Variants in PTPRD observed in about 807,000 individuals in gnomAD.
PTPRD encodes the protein protein tyrosine phosphatase receptor type D.
A neutral mutation model predicts 214.5 loss-of-function variants in PTPRD; 34 were observed. That is an observed-to-expected ratio of 0.16 (90% CI 0.12 to 0.21). PTPRD has a LOEUF of 0.21. Ranked by LOEUF, PTPRD falls within the 10% of genes least tolerant of loss-of-function variation. PTPRD has a pLI of 1.00. For missense variants in PTPRD, 2,545 were observed against 2,398.7 expected (o/e 1.06, Z -1.27); for synonymous variants, 1,128 against 845.7 (o/e 1.33, Z -5.79).
At chr9:10,576,350 C>T in intron 2 of PTPRD, among the ~76,000 whole-genome samples, 1 of 152,184 alleles carries the variant, frequency 6.6e-6, no homozygotes, top group East Asian at 1.9e-4. Context: ...TTTTTAATGG[C>T]TGATTGTTTA....
At chr9:8,966,066 A>G (rs1897681) in intron 11 of PTPRD, among the ~76,000 whole-genome samples, 27,716 of 152,018 alleles carry the variant, frequency 0.18, 2,814 homozygotes, top group African/African-American at 0.25. Flanking sequence ...ATACCTAGGG[A>G]TACATATAAC....
intron 2 of PTPRD, among the ~76,000 whole-genome samples, chr9:10,537,504 T>C (rs1246226794): frequency 6.6e-6 from 1 of 152,138 alleles, no homozygotes; most frequent in South Asian, 2.1e-4. Context: ...AACTAAAAAT[T>C]GTCAAAATTG....
intron 3 of PTPRD, among the ~76,000 whole-genome samples, chr9:10,127,009 C>G (rs10958898): frequency 0.17 from 25,017 of 147,338 alleles, 2,456 homozygotes; most frequent in South Asian, 0.27. Context: ...TTCTGGGTAA[C>G]AGGATATTCA....
chr9:9,270,934 G>T (rs1303349869), intron 9 of PTPRD, among the ~76,000 whole-genome samples: 1 of 151,288 alleles, frequency 6.6e-6, no homozygotes, highest in Non-Finnish European at 1.5e-5. Context: ...ATTGCCTGGA[G>T]TACTTGCATA....
intron 5 of PTPRD, among the ~76,000 whole-genome samples, chr9:9,856,469 G>A (rs920600202): frequency 6.6e-6 from 1 of 152,198 alleles, no homozygotes; most frequent in Admixed American, 6.5e-5. Context: ...AAAAAGAAAT[G>A]CATCCAGTGT....
chr9:9,648,562 C>G (rs941342414), intron 7 of PTPRD, among the ~76,000 whole-genome samples: 3 of 152,156 alleles, frequency 2.0e-5, no homozygotes, highest in Non-Finnish European at 4.4e-5. Flanking sequence ...TTGATGATCA[C>G]TACAGACAAA....
chr9:8,642,966 G>C (rs1429018511), intron 12 of PTPRD, among the ~76,000 whole-genome samples: 3 of 152,030 alleles, frequency 2.0e-5, no homozygotes, highest in Non-Finnish European at 4.4e-5. Context: ...ATACCACCTG[G>C]GGTAGCTTCC....
chr9:9,438,949 C>G lies in PTPRD; in HGVS notation c.-236-41467G>C, dbSNP rs1206710742. On this transcript the variant is annotated intron_variant, in intron 8 of 45. Coordinates refer to ENST00000381196, the MANE Select transcript of PTPRD (RefSeq NM_002839.4). ...CATTTAAATTCAACTTTATCATTAT[C>G]AGTCTGTGGTGTTAATATGGAACTA... Among the ~76,000 whole-genome samples the G allele has an allele frequency of 2.0e-5, 3 of 152,072 alleles. 1 individual carries two copies. Among genetic ancestry groups the G allele is most frequent in the African/African-American group, 7.2e-5 (3 of 41,402 alleles).
chr9:8,320,743 AGTTTCTCTCT>A (rs1563881613), intron 44 of PTPRD, among the ~76,000 whole-genome samples: 1 of 152,104 alleles, frequency 6.6e-6, no homozygotes, highest in Non-Finnish European at 1.5e-5. Flanking sequence ...AAAGGTTTTG[AGTTTCTCTCT>A]GTTGTCTTCA....
At chr9:10,601,486 T>G (rs2133369896) in intron 2 of PTPRD, among the ~76,000 whole-genome samples, 1 of 151,900 alleles carries the variant, frequency 6.6e-6, no homozygotes, top group South Asian at 2.1e-4. Flanking sequence ...TTACTACATC[T>G]GTTTGTCTGT....
At chr9:9,673,996 A>G (rs2096881410) in intron 7 of PTPRD, among the ~76,000 whole-genome samples, 1 of 151,854 alleles carries the variant, frequency 6.6e-6, no homozygotes, top group Admixed American at 6.6e-5. Flanking sequence ...AACAGTGGGA[A>G]AGTTTAGTCT....
In PTPRD at chr9:10,182,259, C is replaced by CAAAAAAAAAAAAAAAAAAAA. The variant is rs3075574; in HGVS notation, c.-544-148489_-544-148470dup. Among the ~76,000 whole-genome samples, 199 of 54,428 alleles carry CAAAAAAAAAAAAAAAAAAAA rather than the reference C, an allele frequency of 3.7e-3. 8 individuals carry two copies. The highest frequency in any genetic ancestry group is 9.8e-3 in the African/African-American group (122 of 12,512). The allele number at this position is 54,428 out of a possible 152,430, so 35.7% of individuals were successfully genotyped here. A position where few individuals can be genotyped will look rare whatever the true frequency, so the allele number is the denominator to read the frequency against. ...TGGGCAGCACAGTGAGACTCTGCCT[C>CAAAAAAAAAAAAAAAAAAAA]AAAAAAAAAAAAAAAAAAAAGAAAA... On this transcript the variant is annotated intron_variant, in intron 3 of 45. Coordinates refer to ENST00000381196, the MANE Select transcript of PTPRD (RefSeq NM_002839.4).
intron 7 of PTPRD, among the ~76,000 whole-genome samples, chr9:9,640,497 A>C (rs557978656): frequency 6.6e-6 from 1 of 152,288 alleles, no homozygotes; most frequent in South Asian, 2.1e-4. Flanking sequence ...ATAAATCACT[A>C]TTTCATTCAA....
At chr9:9,749,835 T>C (rs1051936810) in intron 6 of PTPRD, among the ~76,000 whole-genome samples, 1 of 152,076 alleles carries the variant, frequency 6.6e-6, no homozygotes, top group African/African-American at 2.4e-5. Flanking sequence ...CCCTCATCCA[T>C]TAAAAAGAGG....
At chr9:9,141,019 T>C (rs1387008566) in intron 10 of PTPRD, among the ~76,000 whole-genome samples, 1 of 152,158 alleles carries the variant, frequency 6.6e-6, no homozygotes. Context: ...CAAAATTATA[T>C]GGAATTCAAG....
intron 11 of PTPRD, among the ~76,000 whole-genome samples, chr9:8,986,931 G>C (rs1158423552): frequency 6.6e-6 from 1 of 152,074 alleles, no homozygotes; most frequent in South Asian, 2.1e-4. Flanking sequence ...GGACTAAGGA[G>C]GCTGAATATT....
At chr9:9,864,326 G>T (rs1294467398) in intron 5 of PTPRD, among the ~76,000 whole-genome samples, 1 of 143,740 alleles carries the variant, frequency 7.0e-6, no homozygotes. Flanking sequence ...AAAAGAGAAA[G>T]ATTAAAAAAA....
At chr9:9,430,041 G>T (rs2082480507) in intron 8 of PTPRD, among the ~76,000 whole-genome samples, 2 of 152,156 alleles carry the variant, frequency 1.3e-5, no homozygotes, top group Admixed American at 1.3e-4. Context: ...AGTGTTGGAA[G>T]TTCTGGCCAG....
intron 2 of PTPRD, among the ~76,000 whole-genome samples, chr9:10,386,573 A>G (rs936969782): frequency 6.6e-6 from 1 of 151,732 alleles, no homozygotes; most frequent in African/African-American, 2.4e-5. Flanking sequence ...CTCTGGTTGA[A>G]CCTGAATTTA....
Sources: allele counts gnomAD v4.1 joint callset (sites outside exome capture counted in the v4.1 genomes callset), GRCh38; gene constraint gnomAD v4.1.1; transcripts MANE v1.5; gene names NCBI Gene and HGNC (gene_info 2026-07-23, HGNC 2026-07-21).